Variants in SEC23IP observed in about 807,000 individuals in gnomAD.
SEC23IP encodes the protein SEC23 interacting protein, also known as SEC23-interacting protein.
In SEC23IP, 70 loss-of-function variants were observed where a neutral mutation model predicts 113.4. That is an observed-to-expected ratio of 0.62 (90% CI 0.51 to 0.75). The LOEUF (loss-of-function observed/expected upper bound fraction) is 0.75, where lower values mean the gene tolerates loss of function less well. Ranked by LOEUF, SEC23IP falls within the 30% of genes least tolerant of loss-of-function variation. The probability of loss-of-function intolerance (pLI) is 0.00; values close to 1 mark genes in which losing one functional copy is unlikely to be tolerated. For missense variants in SEC23IP, 1,160 were observed against 1,204.9 expected (o/e 0.96, Z 0.55); for synonymous variants, 398 against 421.0 (o/e 0.95, Z 0.67).
intron 13 of SEC23IP, 122 bp from the exon 14 acceptor site, chr10:119,929,485 T>C (rs1379697493): frequency 3.3e-5 from 24 of 719,428 alleles, no homozygotes; most frequent in South Asian, 5.3e-5. Context: ...CCGCCCACCT[T>C]GGCCTCCCAA....
At chr10:119,904,594 A>G (rs564505210) in intron 4 of SEC23IP, 33 of 213,240 alleles carry the variant, frequency 1.5e-4, no homozygotes, top group Non-Finnish European at 2.4e-4. Context: ...ACATTTTCAA[A>G]TTAGTATTCA....
intron 6 of SEC23IP, among the ~76,000 whole-genome samples, chr10:119,913,521 C>T (rs921590532): frequency 1.4e-5 from 2 of 143,898 alleles, no homozygotes; most frequent in African/African-American, 5.2e-5. Flanking sequence ...AATGGAGTCT[C>T]ACTCTGTTGC....
At position 119,904,199 on chromosome 10, in the gene SEC23IP, A is replaced by G; in HGVS notation, c.1023A>G (p.Arg341=). ...GGGAAGAGGAGCCAGCCGAAGTGAG[A>G]CGCTGTACTTGGTTTTACAAGGGGG... ...AYWEEEPAEV[R]RCTWFYKGDT... is the part of the protein sequence containing the mutation. Residue 341 remains arginine (R), a synonymous_variant, in exon 4 of 19, where the codon AGA becomes AGG. Coordinates refer to ENST00000369075, the MANE Select transcript of SEC23IP (RefSeq NM_007190.4). 3 of 1,614,210 alleles carry G rather than the reference A, an allele frequency of 1.9e-6. No homozygotes were observed. The highest frequency in any genetic ancestry group is 2.5e-6 in the Non-Finnish European group (3 of 1,180,028).
At chr10:119,935,622 G>A (rs1001016343) in intron 18 of SEC23IP, among the ~76,000 whole-genome samples, 1 of 152,114 alleles carries the variant, frequency 6.6e-6, no homozygotes, top group African/African-American at 2.4e-5. Context: ...TTAAGTGCCA[G>A]GTATTATTTT....
chr10:119,924,855 G>C (rs976825797), intron 12 of SEC23IP, among the ~76,000 whole-genome samples: 1 of 152,118 alleles, frequency 6.6e-6, no homozygotes, highest in Non-Finnish European at 1.5e-5. Flanking sequence ...ATGGCTCACT[G>C]CAGCCTCCAC....
chr10:119,900,888 A>C (rs11199116), intron 2 of SEC23IP, among the ~76,000 whole-genome samples: 26,653 of 151,962 alleles, frequency 0.18, 2,571 homozygotes, highest in Non-Finnish European at 0.22. Flanking sequence ...CACTGTTTTC[A>C]TTTTGTTATA....
chr10:119,932,914 G>T, intron 16 of SEC23IP, 91 bp from the exon 17 acceptor site: 1 of 1,131,654 alleles, frequency 8.8e-7, no homozygotes, highest in Non-Finnish European at 1.3e-6. Context: ...CATGCGTCAA[G>T]CAGTATTCTC....
chr10:119,915,605 A>G (rs1284294886), intron 7 of SEC23IP, 143 bp from the exon 8 acceptor site: 3 of 591,756 alleles, frequency 5.1e-6, no homozygotes, highest in Non-Finnish European at 7.7e-6. Context: ...AAAAAATTTT[A>G]CTAATTCTCT....
chr10:119,895,834 T>G (rs1813747209), intron 1 of SEC23IP, among the ~76,000 whole-genome samples: 1 of 152,196 alleles, frequency 6.6e-6, no homozygotes, highest in African/African-American at 2.4e-5. Flanking sequence ...CCCTGTGTCC[T>G]CTGCCCCCAG....
intron 3 of SEC23IP, among the ~76,000 whole-genome samples, chr10:119,903,498 A>G (rs1455865428): frequency 1.3e-5 from 2 of 152,172 alleles, no homozygotes; most frequent in Non-Finnish European, 2.9e-5. Flanking sequence ...ATCCTGATAT[A>G]TTATTATATC....
intron 4 of SEC23IP, among the ~76,000 whole-genome samples, chr10:119,906,401 C>T (rs1452569451): frequency 6.8e-6 from 1 of 147,436 alleles, no homozygotes; most frequent in Non-Finnish European, 1.5e-5. Context: ...AATCAAAATT[C>T]ACATCAGGGT....
At chr10:119,897,045 G>C (rs1018395186) in intron 1 of SEC23IP, among the ~76,000 whole-genome samples, 1 of 152,224 alleles carries the variant, frequency 6.6e-6, no homozygotes, top group Admixed American at 6.5e-5. Flanking sequence ...TCAAGCCCTA[G>C]TCTCAGCAGA....
At chr10:119,910,734 A>G (rs1368397394) in intron 5 of SEC23IP, among the ~76,000 whole-genome samples, 2 of 152,116 alleles carry the variant, frequency 1.3e-5, no homozygotes, top group Non-Finnish European at 2.9e-5. Flanking sequence ...CCCAGGCTGT[A>G]GTGCAGTGGC....
intron 4 of SEC23IP, among the ~76,000 whole-genome samples, chr10:119,906,451 A>G (rs1011628589): frequency 6.6e-6 from 1 of 151,392 alleles, no homozygotes; most frequent in African/African-American, 2.4e-5. Flanking sequence ...CTGCTTCTAA[A>G]TTTTTTGTGG....
intron 7 of SEC23IP, among the ~76,000 whole-genome samples, chr10:119,915,444 G>T (rs1855019270): frequency 6.6e-6 from 1 of 152,104 alleles, no homozygotes; most frequent in South Asian, 2.1e-4. Flanking sequence ...CTGGAGCCTG[G>T]AGCCGGCAGT....
Position 119,918,598 on chromosome 10 carries a change from T to TTTTGTTTGTTTG in SEC23IP, c.1872+107_1872+118dup, listed in dbSNP as rs112954131. ...AAAAGTCTGAACTGTTTCTTGAAAC[T>TTTTGTTTGTTTG]TTTGTTTGTTTGTTTGTTTGTTTGT... On this transcript the variant is annotated intron_variant, in intron 10 of 18. Coordinates refer to ENST00000369075, the MANE Select transcript of SEC23IP (RefSeq NM_007190.4). The TTTTGTTTGTTTG allele has an allele frequency of 5.1e-3, 3,713 of 734,594 alleles. 14 individuals carry two copies. The highest frequency in any genetic ancestry group is 6.4e-3 in the Non-Finnish European group (2,730 of 424,156). The allele number at this position is 734,594 out of a possible 1,614,324, so 45.5% of individuals were successfully genotyped here.
At chr10:119,910,273 G>A (rs1006556625) in intron 5 of SEC23IP, among the ~76,000 whole-genome samples, 16 of 151,622 alleles carry the variant, frequency 1.1e-4, no homozygotes, top group Non-Finnish European at 1.9e-4. Context: ...TATTTTTATC[G>A]TCTCTATGAG....
chr10:119,944,214 T>C lies in SEC23IP; in HGVS notation c.*3649T>C, dbSNP rs1477588607. ...ATAGTGAGGGAGTTCTCACAAGATC[T>C]GATGGTTTTAAAAGTGGCAGTTTTC... On this transcript the variant is annotated 3_prime_UTR_variant, in exon 19 of 19. Coordinates refer to ENST00000369075, the MANE Select transcript of SEC23IP (RefSeq NM_007190.4). 2.0e-5 allele frequency: 3 copies of C among 152,146 alleles called. No individual in the cohort carries two copies. The highest frequency in any genetic ancestry group is 4.4e-5 in the Non-Finnish European group (3 of 68,020). The allele number at this position is 152,146 out of a possible 1,614,324, so 9.4% of individuals were successfully genotyped here.
In SEC23IP at chr10:119,907,388, G is replaced by A. The variant is rs867268854; in HGVS notation, c.1102-1653G>A. On this transcript the variant is annotated intron_variant, in intron 4 of 18. Coordinates refer to ENST00000369075, the MANE Select transcript of SEC23IP (RefSeq NM_007190.4). ...CAGAAGGAAATACTTCTATTTTCACGTGATTGTCAAATACTCACTGTTACT... is the reference window on the plus strand; with the variant it reads ...CAGAAGGAAATACTTCTATTTTCACATGATTGTCAAATACTCACTGTTACT... Among the ~76,000 whole-genome samples the A allele has an allele frequency of 9.2e-5, 14 of 151,940 alleles. No homozygotes were observed. The South Asian group carries it at 1.5e-3, about 16-fold the overall frequency.
Sources: allele counts gnomAD v4.1 joint callset (sites outside exome capture counted in the v4.1 genomes callset), GRCh38; gene constraint gnomAD v4.1.1; transcripts MANE v1.5; gene names NCBI Gene and HGNC (gene_info 2026-07-23, HGNC 2026-07-21).